ORC2: variants seen among roughly 807,000 people sequenced by gnomAD.
ORC2 encodes the protein origin recognition complex subunit 2.
In ORC2, 37 loss-of-function variants were observed where a neutral mutation model predicts 77.7. That is an observed-to-expected ratio of 0.48 (90% CI 0.37 to 0.63). The LOEUF is 0.63. Among genes scored for constraint, ORC2 ranks in the 20% least tolerant of loss-of-function variants. The pLI, the probability that ORC2 is intolerant of heterozygous loss-of-function variation, is 0.00. For missense variants in ORC2, 557 were observed against 661.9 expected, an observed-to-expected ratio of 0.84 and a Z score of 1.74; for synonymous variants, 201 against 229.5, an observed-to-expected ratio of 0.88 and a Z score of 1.12.
At chr2:200,934,025 A>G in intron 9 of ORC2, 51 bp from the exon 10 acceptor site, 4 of 889,552 alleles carry the variant, frequency 4.5e-6, no homozygotes, top group South Asian at 1.5e-5. Context: ...TATCTGTCTC[A>G]TATCAAAATT....
intron 14 of ORC2, among the ~76,000 whole-genome samples, 156 bp from the exon 15 acceptor site, chr2:200,920,549 A>G (rs1027591795): frequency 6.6e-6 from 1 of 152,202 alleles, no homozygotes; most frequent in Non-Finnish European, 1.5e-5. Context: ...GTAACTCACA[A>G]TCTAATTTCA....
At chr2:200,941,785 G>T (rs917148873) in intron 6 of ORC2, among the ~76,000 whole-genome samples, 1 of 152,180 alleles carries the variant, frequency 6.6e-6, no homozygotes, top group Non-Finnish European at 1.5e-5. Flanking sequence ...TCAGGAGTTA[G>T]AAAACAGCCT....
At chr2:200,954,554 C>T (rs1254359990) in intron 4 of ORC2, among the ~76,000 whole-genome samples, 1 of 152,120 alleles carries the variant, frequency 6.6e-6, no homozygotes, top group Non-Finnish European at 1.5e-5. Context: ...ACAGAAGATA[C>T]ACACTGAAAT....
intron 5 of ORC2, among the ~76,000 whole-genome samples, chr2:200,948,075 A>ATTTTTTTT (rs57958964): frequency 0.039 from 5,711 of 145,856 alleles, 242 homozygotes; most frequent in African/African-American, 0.1. Flanking sequence ...CGCCTGGCTA[A>ATTTTTTTT]TTTTTTTTTT....
chr2:200,911,264 A>G lies in ORC2; in HGVS notation c.*37T>C. 7.9e-7 allele frequency: 1 copy of G among 1,260,476 alleles called. No homozygotes were observed. Among genetic ancestry groups the G allele is most frequent in the Non-Finnish European group, 1.2e-6 (1 of 859,598 alleles). 78.1% of individuals were successfully genotyped at this position (1,260,476 alleles called of 1,614,324 possible). Reference sequence around the variant, plus strand: ...ACTAGAGGAGTGGCAGCTGGGGTACAACCCTTCCATGGGAGATTCAAGAAT... The same window carrying G: ...ACTAGAGGAGTGGCAGCTGGGGTACGACCCTTCCATGGGAGATTCAAGAAT... On this transcript the variant is annotated 3_prime_UTR_variant, in exon 18 of 18. Transcript: ENST00000234296.
Position 200,942,772 on chromosome 2 carries a change from C to G in ORC2, c.334G>C (p.Glu112Gln). 1 of 1,599,666 alleles carries G rather than the reference C, an allele frequency of 6.3e-7. No homozygotes were observed. Among genetic ancestry groups the G allele is most frequent in the Non-Finnish European group, 8.5e-7 (1 of 1,170,298 alleles). ...CTTTTTTGTGGTGTTTTTGCTAGTT[C>G]TGAAGCTGTAAACAAAGAAATATAT... ...HSEKMAKLAS[E>Q]LAKTPQKSVS... The change falls in exon 6 of 18, where the codon GAA becomes CAA. Residue 112 changes from glutamate (E) to glutamine (Q), a missense_variant. Transcript: ENST00000234296.
chr2:200,958,190 A>G, intron 2 of ORC2, 57 bp from the exon 3 acceptor site: 1 of 961,986 alleles, frequency 1.0e-6, no homozygotes, highest in Non-Finnish European at 1.7e-6. Flanking sequence ...CAACCACCAA[A>G]TTAAACATTC....
rs1035527525 is a variant in ORC2, at chr2:200,925,898, T to C, written c.1085A>G (p.His362Arg). The C allele has an allele frequency of 3.8e-6, 6 of 1,597,214 alleles. No homozygotes were observed. The highest frequency in any genetic ancestry group is 5.1e-6 in the Non-Finnish European group (6 of 1,167,006). Residue 362 changes from histidine (H) to arginine (R), a missense_variant, in exon 13 of 18, where the codon CAT becomes CGT. Coordinates refer to ENST00000234296, the MANE Select transcript of ORC2 (RefSeq NM_006190.5). ...LNSITEEVLD[H>R]MGTFRSILDQ... is the part of the protein sequence containing the mutation. ...CAGTATACTGCGGAAAGTACCCATA[T>C]GATCGAGGACTTCTTCTGTTATAGA...
At chr2:200,935,968 G>C (rs368375709) in intron 8 of ORC2, 76 bp from the exon 9 acceptor site, 2 of 1,234,466 alleles carry the variant, frequency 1.6e-6, no homozygotes. Flanking sequence ...AGCAAAGAGT[G>C]GGGGCTCTGT....
chr2:200,961,008 CT>C (rs1220653823), intron 1 of ORC2, among the ~76,000 whole-genome samples: 1 of 151,930 alleles, frequency 6.6e-6, no homozygotes, highest in East Asian at 1.9e-4. Flanking sequence ...ATCTCTTGAA[CT>C]CGTGATTGGC....
At chr2:200,915,861 T>A (rs1438097003) in intron 15 of ORC2, among the ~76,000 whole-genome samples, 5 of 152,068 alleles carry the variant, frequency 3.3e-5, no homozygotes, top group Non-Finnish European at 7.4e-5. Flanking sequence ...GCCCAGCTAA[T>A]TTTTTATATT....
intron 9 of ORC2, 63 bp from the exon 10 acceptor site, chr2:200,934,037 G>A: frequency 1.3e-6 from 1 of 798,928 alleles, no homozygotes; most frequent in Non-Finnish European, 2.1e-6. Context: ...ATCAAAATTA[G>A]ACAGTAATAT....
intron 4 of ORC2, among the ~76,000 whole-genome samples, chr2:200,951,296 T>TTG (rs202047357): frequency 0.13 from 19,439 of 152,280 alleles, 1,659 homozygotes; most frequent in Non-Finnish European, 0.19. Flanking sequence ...GCTTCCAAGT[T>TTG]TTGGCCATTG....
intron 15 of ORC2, 69 bp downstream of exon 15, chr2:200,920,153 A>G (rs2040730383): frequency 9.0e-6 from 11 of 1,219,822 alleles, no homozygotes; most frequent in Non-Finnish European, 1.1e-5. Flanking sequence ...CAGTATCCCC[A>G]TTAAAACCTA....
chr2:200,948,074 A>G (rs1020347935), intron 5 of ORC2, among the ~76,000 whole-genome samples: 1 of 142,646 alleles, frequency 7.0e-6, no homozygotes, highest in African/African-American at 2.9e-5. Context: ...ACGCCTGGCT[A>G]ATTTTTTTTT....
intron 10 of ORC2, 151 bp from the exon 11 acceptor site, chr2:200,931,599 T>G (rs369079993): frequency 5.2e-5 from 22 of 425,952 alleles, no homozygotes; most frequent in African/African-American, 2.1e-4. Flanking sequence ...TATCAACCGA[T>G]AAACAAAATT....
intron 5 of ORC2, among the ~76,000 whole-genome samples, chr2:200,947,035 C>T (rs1302379956): frequency 1.3e-5 from 2 of 151,744 alleles, no homozygotes; most frequent in African/African-American, 4.8e-5. Context: ...CCCAGGTAGC[C>T]AGAATTACAG....
chr2:200,934,145 T>TAA, intron 9 of ORC2, among the ~76,000 whole-genome samples, 171 bp from the exon 10 acceptor site: 1 of 152,298 alleles, frequency 6.6e-6, no homozygotes, highest in East Asian at 1.9e-4. Context: ...ATTTCAGTAA[T>TAA]AAAACTGAGT....
intron 10 of ORC2, 134 bp from the exon 11 acceptor site, chr2:200,931,582 A>G: frequency 2.0e-6 from 1 of 487,994 alleles, no homozygotes; most frequent in Non-Finnish European, 3.7e-6. Flanking sequence ...TGGTTTGGCA[A>G]TGAGTATATC....
Sources: allele counts gnomAD v4.1 joint callset (sites outside exome capture counted in the v4.1 genomes callset), GRCh38; gene constraint gnomAD v4.1.1; transcripts MANE v1.5; gene names NCBI Gene and HGNC (gene_info 2026-07-23, HGNC 2026-07-21).